Variants in PIGB observed in about 807,000 individuals in gnomAD.
PIGB encodes phosphatidylinositol glycan anchor biosynthesis class B.
PIGB carries 58 observed loss-of-function variants against 68.4 expected under a neutral mutation model. The ratio of observed to expected loss-of-function variants is 0.85; its 90% confidence interval spans 0.69 to 1.06. The LOEUF is 1.06. PIGB is among the 50% of genes least tolerant of loss of function. The probability of loss-of-function intolerance (pLI) is 0.00; values close to 1 mark genes in which losing one functional copy is unlikely to be tolerated. For missense variants in PIGB, 634 were observed against 655.8 expected, an observed-to-expected ratio of 0.97 and a Z score of 0.36; for synonymous variants, 219 against 220.5, an observed-to-expected ratio of 0.99 and a Z score of 0.06.
In PIGB at chr15:55,333,989, A is replaced by G; in HGVS notation, c.776A>G (p.His259Arg). ...CCAAGAAAGCTTGATCTTATTCTAC[A>G]TCATTTTTTACCTGTAGGGTAAGTG... ...QEPRKLDLIL[H>R]HFLPVGFVTL... The change falls in exon 6 of 12, where the codon CAT becomes CGT. Residue 259 changes from histidine (H) to arginine (R), a missense_variant. His to Arg is a conservative substitution (Grantham distance 29). Coordinates refer to ENST00000164305, the MANE Select transcript of PIGB (RefSeq NM_004855.5). The G allele has an allele frequency of 6.2e-7, 1 of 1,602,270 alleles. No individual in the cohort carries two copies. The highest frequency in any genetic ancestry group is 1.3e-5 in the African/African-American group (1 of 74,476).
rs2055134822 is a variant in PIGB at position 55,320,352 on chromosome 15, A to T, written c.241A>T (p.Ser81Cys). 1 of 1,613,366 alleles carries T rather than the reference A, an allele frequency of 6.2e-7. No homozygotes were observed. Among genetic ancestry groups the T allele is most frequent in the African/African-American group, 1.3e-5 (1 of 75,004 alleles). Residue 81 changes from serine to cysteine, a missense_variant, in exon 2 of 12, where the codon AGT becomes TGT. By Grantham distance (112) the Ser-to-Cys change is moderately radical (BLOSUM62 -1). Transcript: ENST00000164305. ...RILNCFLVQT[S>C]FVPDEYWQSL... Reference sequence around the variant, plus strand: ...ATTAAACTGCTTTTTAGTGCAGACAAGTTTTGTTCCAGATGAATACTGGCA... The same window carrying T: ...ATTAAACTGCTTTTTAGTGCAGACATGTTTTGTTCCAGATGAATACTGGCA...
rs2055652040 is a variant in PIGB, at chr15:55,340,789, T to C, written c.1024T>C (p.Leu342=). The C allele has an allele frequency of 6.2e-7, 1 of 1,609,888 alleles. No individual in the cohort carries two copies. Among genetic ancestry groups the C allele is most frequent in the African/African-American group, 1.3e-5 (1 of 75,012 alleles). Residue 342 remains leucine, a synonymous_variant, in exon 8 of 12, where the codon TTG becomes CTG. Coordinates refer to ENST00000164305, the MANE Select transcript of PIGB (RefSeq NM_004855.5). ...AGCACCAAAGAGATACCGGATACTT[T>C]TGGTGACTGTGCTGTGGACACTGCT... ...YLAPKRYRIL[L]VTVLWTLLVY...
At chr15:55,327,840 T>G (rs887990607) in intron 4 of PIGB, among the ~76,000 whole-genome samples, 5 of 152,218 alleles carry the variant, frequency 3.3e-5, no homozygotes, top group Non-Finnish European at 5.9e-5. Context: ...TGTAAGCCAC[T>G]GATGCCCTCA....
At chr15:55,319,775 A>G (rs76741452) in intron 1 of PIGB, 8,013 of 202,362 alleles carry the variant, frequency 0.04, 652 homozygotes, top group African/African-American at 0.18. Flanking sequence ...AAATGGGGCT[A>G]ATAATACCTA....
At chr15:55,328,526 G>C (rs952691626) in intron 4 of PIGB, among the ~76,000 whole-genome samples, 1 of 152,172 alleles carries the variant, frequency 6.6e-6, no homozygotes, top group African/African-American at 2.4e-5. Context: ...TAAAAAGAAA[G>C]ATTGGTTTAG....
At chr15:55,324,348 T>C (rs1217992377) in intron 3 of PIGB, among the ~76,000 whole-genome samples, 2 of 152,228 alleles carry the variant, frequency 1.3e-5, no homozygotes, top group Non-Finnish European at 2.9e-5. Flanking sequence ...TGCTTTATTT[T>C]ACTCTTTAGC....
chr15:55,354,688 G>A (rs1017210333), intron 10 of PIGB, 110 bp from the exon 11 acceptor site: 21 of 810,948 alleles, frequency 2.6e-5, no homozygotes, highest in Non-Finnish European at 3.9e-5. Context: ...CTGCAACACA[G>A]TTTACAGATT....
chr15:55,324,341 T>G (rs949852242), intron 3 of PIGB, among the ~76,000 whole-genome samples: 2 of 152,214 alleles, frequency 1.3e-5, no homozygotes, highest in African/African-American at 4.8e-5. Flanking sequence ...ACTCCACTGC[T>G]TTATTTTACT....
chr15:55,355,550 C>A lies in PIGB; in HGVS notation c.*118C>A. 1 of 724,600 alleles carries A rather than the reference C, an allele frequency of 1.4e-6. No individual in the cohort carries two copies. The highest frequency in any genetic ancestry group is 2.3e-6 in the Non-Finnish European group (1 of 438,626). 44.9% of individuals were successfully genotyped at this position (724,600 alleles called of 1,614,324 possible). On this transcript the variant is annotated 3_prime_UTR_variant, in exon 12 of 12. Transcript: ENST00000164305. ...AAAAAAGCTGTATGAACTGCTTTAC[C>A]AAATATCACTACTGAGGAAATGTAT... is the stretch of plus-strand genomic sequence containing the variant.
chr15:55,342,452 A>G (rs747261622), intron 9 of PIGB, among the ~76,000 whole-genome samples: 2 of 152,188 alleles, frequency 1.3e-5, no homozygotes, highest in Non-Finnish European at 2.9e-5. Flanking sequence ...GTGCAGTGGC[A>G]CGATCTTGGC....
intron 1 of PIGB, 137 bp downstream of exon 1, chr15:55,319,550 C>A: frequency 1.6e-6 from 1 of 625,068 alleles, no homozygotes; most frequent in Non-Finnish European, 2.7e-6. Context: ...ATGCTGGAAA[C>A]ACAGATTTTA....
chr15:55,353,015 T>A (rs1384208891), intron 10 of PIGB, among the ~76,000 whole-genome samples: 1 of 152,214 alleles, frequency 6.6e-6, no homozygotes, highest in East Asian at 1.9e-4. Context: ...ACTTGAGGAT[T>A]CCCTACTATA....
At position 55,351,949 on chromosome 15, in the gene PIGB, TTC is replaced by T. The variant is rs1491336993; in HGVS notation, c.1337+1039_1337+1040del. ...TTATTGCCCTCATCTTAAACTAGAC[TTC>T]TTTTTTTTTTTTTTTAGATGGAGTT... is the stretch of plus-strand genomic sequence containing the variant. On this transcript the variant is annotated intron_variant, in intron 10 of 11. Transcript: ENST00000164305. The T allele has an allele frequency of 4.7e-5, 6 of 127,912 alleles. No individual in the cohort carries two copies. In the East Asian group the frequency reaches 8.1e-4, roughly 17 times the overall value. The allele number at this position is 127,912 out of a possible 1,614,324, so 7.9% of individuals were successfully genotyped here.
At chr15:55,319,631 C>T (rs1209010039) in intron 1 of PIGB, 1 of 439,892 alleles carries the variant, frequency 2.3e-6, no homozygotes, top group African/African-American at 2.0e-5. Context: ...ATTTGGCCGA[C>T]AGGCTGTCCA....
intron 10 of PIGB, among the ~76,000 whole-genome samples, chr15:55,353,092 C>T (rs150032476): frequency 6.6e-6 from 1 of 152,120 alleles, no homozygotes; most frequent in Non-Finnish European, 1.5e-5. Context: ...CTGAGGAGAA[C>T]AGGAATCCTA....
Position 55,355,511 on chromosome 15 carries a change from T to C in PIGB, c.*79T>C, listed in dbSNP as rs2056060699. ...ATACTTCGGTAAACACTGGGTAAGA[T>C]TCATGGAACTTAGAAAAAAGCTGTA... On this transcript the variant is annotated 3_prime_UTR_variant, in exon 12 of 12. Coordinates refer to ENST00000164305, the MANE Select transcript of PIGB (RefSeq NM_004855.5). 1 of 1,167,484 alleles carries C rather than the reference T, an allele frequency of 8.6e-7. No homozygotes were observed. 72.3% of individuals were successfully genotyped at this position (1,167,484 alleles called of 1,614,324 possible). A position where few individuals can be genotyped will look rare whatever the true frequency, so the allele number is the denominator to read the frequency against.
intron 3 of PIGB, among the ~76,000 whole-genome samples, chr15:55,326,278 T>C (rs2055284116): frequency 6.6e-6 from 1 of 151,812 alleles, no homozygotes. Context: ...TTATACATAA[T>C]ATTATCTTAT....
intron 6 of PIGB, among the ~76,000 whole-genome samples, chr15:55,335,516 C>G (rs2055514771): frequency 2.0e-5 from 3 of 152,012 alleles, no homozygotes; most frequent in African/African-American, 7.2e-5. Flanking sequence ...GAGAGACAGA[C>G]AGCTAAAAAG....
At chr15:55,319,455 TA>T in intron 1 of PIGB, 42 bp downstream of exon 1, 1 of 1,476,598 alleles carries the variant, frequency 6.8e-7, no homozygotes, top group Non-Finnish European at 9.2e-7. Flanking sequence ...TACCCCCATC[TA>T]AAAGGAACCC....
Sources: gnomAD v4.1 joint callset for allele counts (sites outside exome capture counted in the v4.1 genomes callset) on GRCh38, gnomAD v4.1.1 for gene constraint, MANE v1.5 for transcripts, NCBI Gene and HGNC (gene_info 2026-07-23, HGNC 2026-07-21) for gene names.